The following ZFHX3 variants were observed in gnomAD, a reference collection of about 807,000 sequenced individuals.
The protein encoded by ZFHX3 is zinc finger homeobox protein 3.
Under a neutral mutation model 279.1 loss-of-function variants are expected in ZFHX3, and 42 were observed. The ratio of observed to expected loss-of-function variants is 0.15; its 90% confidence interval spans 0.12 to 0.19. ZFHX3 has a LOEUF of 0.19. ZFHX3 is among the 10% of genes least tolerant of loss of function. The probability of loss-of-function intolerance (pLI) is 1.00; values close to 1 mark genes in which losing one functional copy is unlikely to be tolerated. For missense variants in ZFHX3, 4,981 were observed against 4,754.0 expected, an observed-to-expected ratio of 1.05 and a Z score of -1.40; for synonymous variants, 2,293 against 1,957.8, an observed-to-expected ratio of 1.17 and a Z score of -4.52.
At chr16:73,191,619 T>C (rs1374162719) in intron 5 of ZFHX3, among the ~76,000 whole-genome samples, 1 of 152,174 alleles carries the variant, frequency 6.6e-6, no homozygotes, top group East Asian at 1.9e-4. Flanking sequence ...CTACTCGATT[T>C]TTCCCCCCAG....
At chr16:73,453,473 CGGAA>C (rs1567488824) in intron 3 of ZFHX3, among the ~76,000 whole-genome samples, 1 of 152,120 alleles carries the variant, frequency 6.6e-6, no homozygotes. Context: ...ACTTCCATGC[CGGAA>C]GGACACTCAA....
At chr16:73,058,987 C>T in exon 1 of ZFHX3, 1 of 161,352 alleles carries the variant, frequency 6.2e-6, no homozygotes, top group South Asian at 1.6e-4. Flanking sequence ...CTGCAGCGGT[C>T]GGAGGGGACG....
intron 3 of ZFHX3, among the ~76,000 whole-genome samples, chr16:73,392,229 G>T (rs974669049): frequency 2.0e-5 from 3 of 151,708 alleles, no homozygotes; most frequent in Non-Finnish European, 4.4e-5. Flanking sequence ...ATACCAGCCT[G>T]GCCAACATGG....
intron 3 of ZFHX3, among the ~76,000 whole-genome samples, chr16:73,399,976 C>G (rs2017216537): frequency 2.0e-5 from 3 of 151,586 alleles, no homozygotes; most frequent in African/African-American, 7.3e-5. Context: ...GACGTACTGA[C>G]ATAGGTGCTC....
intron 5 of ZFHX3, among the ~76,000 whole-genome samples, chr16:73,242,478 T>C (rs1412648310): frequency 6.6e-6 from 1 of 152,084 alleles, no homozygotes; most frequent in Non-Finnish European, 1.5e-5. Flanking sequence ...TGAGTGTGAG[T>C]TTTTCGTGTC....
intron 2 of ZFHX3, among the ~76,000 whole-genome samples, chr16:73,590,685 A>C (rs1684315597): frequency 6.6e-6 from 1 of 152,224 alleles, no homozygotes; most frequent in African/African-American, 2.4e-5. Flanking sequence ...ACCTGTAACG[A>C]GATATTTGCT....
chr16:73,859,949 C>T (rs1961837337), intron 1 of ZFHX3, among the ~76,000 whole-genome samples: 1 of 152,178 alleles, frequency 6.6e-6, no homozygotes, highest in Non-Finnish European at 1.5e-5. Context: ...TAGACAAACA[C>T]CAAGAGACAG....
chr16:73,631,898 T>TTCTCTCTCTCTCTC (rs139812596), intron 2 of ZFHX3, among the ~76,000 whole-genome samples: 153 of 129,476 alleles, frequency 1.2e-3, no homozygotes, highest in Admixed American at 2.4e-3. Flanking sequence ...TAGAGTGGGA[T>TTCTCTCTCTCTCTC]TCTCTCTCTC....
At chr16:73,809,534 CT>C (rs1397017752) in intron 1 of ZFHX3, 2 of 152,194 alleles carry the variant, frequency 1.3e-5, no homozygotes, top group Admixed American at 1.3e-4. Flanking sequence ...TTTCACGGTG[CT>C]GCTTCTCACC....
intron 8 of ZFHX3, among the ~76,000 whole-genome samples, chr16:73,086,720 T>C (rs1597151702): frequency 6.6e-6 from 1 of 151,946 alleles, no homozygotes; most frequent in Non-Finnish European, 1.5e-5. Context: ...CTGGGCAACA[T>C]GACAAAACCC....
intron 2 of ZFHX3, among the ~76,000 whole-genome samples, chr16:73,469,410 G>A (rs990313850): frequency 3.3e-5 from 5 of 152,226 alleles, no homozygotes; most frequent in Middle Eastern, 3.4e-3. Flanking sequence ...GTCAAAGGGA[G>A]GTGTGCAGGG....
rs767241081 is a variant in ZFHX3 at position 72,958,310 on chromosome 16, G to T, written c.1836C>A (p.Asp612Glu). Reference sequence around the variant, plus strand: ...GGTGATGGGGAACGAAGCCCCCATCGTCACCCTCTGTGCTTTCATTTGGTT... The same window carrying T: ...GGTGATGGGGAACGAAGCCCCCATCTTCACCCTCTGTGCTTTCATTTGGTT... ...APEPNESTEGDDGGFVPHHQH... is the reference protein window; with the variant it reads ...APEPNESTEGEDGGFVPHHQH... The change falls in exon 2 of 10, where the codon GAC becomes GAA. Residue 612 changes from aspartate to glutamate, a missense_variant. By Grantham distance (45) the Asp-to-Glu change is conservative (BLOSUM62 2). Coordinates refer to ENST00000268489, the MANE Select transcript of ZFHX3 (RefSeq NM_006885.4). The T allele has an allele frequency of 1.2e-6, 2 of 1,614,044 alleles. No homozygotes were observed. The highest frequency in any genetic ancestry group is 1.1e-5 in the South Asian group (1 of 91,088).
At chr16:73,238,921 C>T (rs2013035355) in intron 5 of ZFHX3, among the ~76,000 whole-genome samples, 1 of 152,116 alleles carries the variant, frequency 6.6e-6, no homozygotes, top group Admixed American at 6.5e-5. Flanking sequence ...AGCATTTCTC[C>T]CCCGACCGAA....
At chr16:73,869,143 C>A (rs1421362670) in intron 1 of ZFHX3, among the ~76,000 whole-genome samples, 1 of 152,128 alleles carries the variant, frequency 6.6e-6, no homozygotes, top group East Asian at 1.9e-4. Flanking sequence ...AAACCTTATC[C>A]TGGTCAAGGC....
intron 2 of ZFHX3, among the ~76,000 whole-genome samples, chr16:73,524,403 C>T (rs1289755183): frequency 6.6e-6 from 1 of 152,210 alleles, no homozygotes; most frequent in Non-Finnish European, 1.5e-5. Flanking sequence ...AAAACATCAA[C>T]TGAAGTCTTG....
At chr16:73,065,113 G>C (rs921439074) in intron 8 of ZFHX3, among the ~76,000 whole-genome samples, 1 of 152,244 alleles carries the variant, frequency 6.6e-6, no homozygotes, top group Non-Finnish European at 1.5e-5. Context: ...AGGAAAAAAG[G>C]AAACCCTGCG....
At chr16:73,610,763 A>G (rs1009662688) in intron 2 of ZFHX3, among the ~76,000 whole-genome samples, 3 of 152,256 alleles carry the variant, frequency 2.0e-5, no homozygotes, top group African/African-American at 7.2e-5. Context: ...TTAGCAAGGA[A>G]CAAATATGTT....
intron 3 of ZFHX3, among the ~76,000 whole-genome samples, chr16:73,350,181 A>C (rs1429425512): frequency 6.6e-6 from 1 of 152,096 alleles, no homozygotes; most frequent in African/African-American, 2.4e-5. Flanking sequence ...CACTGAAATC[A>C]CATCTGATTT....
intron 2 of ZFHX3, among the ~76,000 whole-genome samples, chr16:73,542,840 C>G (rs1287224672): frequency 1.3e-5 from 2 of 151,986 alleles, no homozygotes; most frequent in South Asian, 2.1e-4. Context: ...ATTTGGGAAC[C>G]CTAAACCTTC....
Sources: gnomAD v4.1 joint callset for allele counts (sites outside exome capture counted in the v4.1 genomes callset) on GRCh38, gnomAD v4.1.1 for gene constraint, MANE v1.5 for transcripts, NCBI Gene and HGNC (gene_info 2026-07-23, HGNC 2026-07-21) for gene names.